TRIO: variants seen among roughly 807,000 people sequenced by gnomAD.
TRIO encodes the protein trio Rho guanine nucleotide exchange factor, also known as triple functional domain protein.
In TRIO, 58 loss-of-function variants were observed where a neutral mutation model predicts 351.9. That is an observed-to-expected ratio of 0.16 (90% CI 0.13 to 0.21). The LOEUF (loss-of-function observed/expected upper bound fraction) is 0.21. Ranked by LOEUF, TRIO falls within the 10% of genes least tolerant of loss-of-function variation. The pLI, the probability that TRIO is intolerant of heterozygous loss-of-function variation, is 1.00. For synonymous variants in TRIO, 1,758 were observed against 1,595.7 expected (o/e 1.10, Z -2.42); for missense variants, 3,201 against 4,027.8 (o/e 0.79, Z 5.56).
intron 18 of TRIO, among the ~76,000 whole-genome samples, chr5:14,373,199 G>A (rs1011971156): frequency 3.9e-5 from 6 of 152,104 alleles, no homozygotes; most frequent in African/African-American, 1.4e-4. Flanking sequence ...ATTACAATTC[G>A]GATTACAATT....
At chr5:14,250,675 G>C (rs1404402352) in intron 1 of TRIO, among the ~76,000 whole-genome samples, 1 of 152,188 alleles carries the variant, frequency 6.6e-6, no homozygotes, top group Non-Finnish European at 1.5e-5. Flanking sequence ...AGGCTGTACT[G>C]TGTTCAGCTG....
intron 40 of TRIO, 101 bp downstream of exon 40, chr5:14,474,198 C>T: frequency 9.0e-7 from 1 of 1,110,170 alleles, no homozygotes; most frequent in Non-Finnish European, 1.3e-6. Context: ...CATCGTATTA[C>T]CTGTGTAGCC....
At chr5:14,361,029 G>T (rs1051257920) in intron 13 of TRIO, among the ~76,000 whole-genome samples, 1 of 152,074 alleles carries the variant, frequency 6.6e-6, no homozygotes, top group Non-Finnish European at 1.5e-5. Context: ...CAGAATAAAC[G>T]GGAGGCCAGC....
intron 45 of TRIO, among the ~76,000 whole-genome samples, chr5:14,482,179 T>C (rs1561540953): frequency 6.6e-6 from 1 of 152,170 alleles, no homozygotes; most frequent in Non-Finnish European, 1.5e-5. Context: ...AGAATTAGCA[T>C]TGAAAGTTCT....
At chr5:14,453,722 C>A (rs1187457576) in intron 34 of TRIO, among the ~76,000 whole-genome samples, 2 of 152,196 alleles carry the variant, frequency 1.3e-5, no homozygotes, top group South Asian at 4.1e-4. Flanking sequence ...GATCATCCAT[C>A]TGGGCCTTGG....
chr5:14,250,692 C>T (rs1166189610), intron 1 of TRIO, among the ~76,000 whole-genome samples: 1 of 152,152 alleles, frequency 6.6e-6, no homozygotes, highest in Non-Finnish European at 1.5e-5. Context: ...GCTGTGTGTA[C>T]ATAGAAGCAC....
At position 14,497,989 on chromosome 5, in the gene TRIO, G is replaced by T. The variant is rs894627891; in HGVS notation, c.8048-100G>T. 6.2e-7 allele frequency: 1 copy of T among 1,609,994 alleles called. No homozygotes were observed. Among genetic ancestry groups the T allele is most frequent in the Non-Finnish European group, 8.5e-7 (1 of 1,176,626 alleles). On this transcript the variant is annotated intron_variant, in intron 51 of 56. Transcript: ENST00000344204. This position sits in a 1 kb window ranked among gnomAD's most constrained non-coding sequence, Gnocchi z 4.4. ...GAGTTTTCCGTGGCGCTCTAGGCGT[G>T]CATAGCAGGTTAGGTCCTATCAATC...
At chr5:14,177,223 A>AC (rs1789461399) in intron 1 of TRIO, among the ~76,000 whole-genome samples, 1 of 152,148 alleles carries the variant, frequency 6.6e-6, no homozygotes, top group African/African-American at 2.4e-5. Context: ...TACGTGAGAA[A>AC]ACTCTTACAA....
At chr5:14,421,431 C>T (rs1024141598) in intron 34 of TRIO, among the ~76,000 whole-genome samples, 10 of 151,420 alleles carry the variant, frequency 6.6e-5, no homozygotes, top group East Asian at 2.0e-4. Flanking sequence ...GGTGAAACCC[C>T]GTCTCTACTA....
rs115874700 is a variant in TRIO at position 14,287,773 on chromosome 5, A to G, written c.540+710A>G. The stretch of plus-strand genomic sequence containing the variant: ...CAGCATGAAACTTGATTCTTGCTCC[A>G]TTTGGAATAAGATTTTAATATTTTC... On this transcript the variant is annotated intron_variant, in intron 4 of 56. Coordinates refer to ENST00000344204, the MANE Select transcript of TRIO (RefSeq NM_007118.4). Among the ~76,000 whole-genome samples the G allele has an allele frequency of 6.4e-3, 971 of 152,332 alleles. 12 individuals are homozygous for G. The highest frequency in any genetic ancestry group is 0.022 in the African/African-American group (929 of 41,562).
rs1026415939 is a variant in TRIO at position 14,507,523 on chromosome 5, C to A, written c.8751+263C>A. 4.3e-4 allele frequency among the ~76,000 whole-genome samples: 65 copies of A among 152,184 alleles called. 1 individual carries two copies. Among genetic ancestry groups the A allele is most frequent in the Admixed American group, 3.3e-4 (5 of 15,278 alleles). ...TTTCAGAAAGTCCCCATGAGTTTTGCCCGGTGGGTGTGGCGGGTGCAGTGG... is the reference window on the plus strand; with the variant it reads ...TTTCAGAAAGTCCCCATGAGTTTTGACCGGTGGGTGTGGCGGGTGCAGTGG... On this transcript the variant is annotated intron_variant, in intron 56 of 56. Coordinates refer to ENST00000344204, the MANE Select transcript of TRIO (RefSeq NM_007118.4).
intron 13 of TRIO, among the ~76,000 whole-genome samples, chr5:14,361,905 G>A (rs1744183446): frequency 6.6e-6 from 1 of 152,186 alleles, no homozygotes; most frequent in South Asian, 2.1e-4. Context: ...ATCACCTGAG[G>A]TCAGGAGTTC....
intron 20 of TRIO, among the ~76,000 whole-genome samples, chr5:14,379,169 G>A (rs10076528): frequency 0.41 from 61,669 of 151,938 alleles, 14,818 homozygotes; most frequent in East Asian, 0.58. Flanking sequence ...TGGTCTGGGT[G>A]CCTTAAAGTC....
At chr5:14,164,138 A>T (rs564228864) in intron 1 of TRIO, among the ~76,000 whole-genome samples, 2 of 152,272 alleles carry the variant, frequency 1.3e-5, no homozygotes, top group Admixed American at 1.3e-4. Flanking sequence ...AGCAATTTTT[A>T]CCTCAGGATG....
chr5:14,390,780 A>G, intron 26 of TRIO, 121 bp from the exon 27 acceptor site: 1 of 747,272 alleles, frequency 1.3e-6, no homozygotes, highest in Non-Finnish European at 2.1e-6. Flanking sequence ...TTTTTAAAAT[A>G]GAGTCTCTTC....
chr5:14,318,060 G>T (rs929014393), intron 9 of TRIO, among the ~76,000 whole-genome samples: 1 of 151,982 alleles, frequency 6.6e-6, no homozygotes, highest in Non-Finnish European at 1.5e-5. Flanking sequence ...CCAGGAGGCG[G>T]AGGTTGCAGT....
In TRIO at chr5:14,509,214, T is replaced by C. The variant is rs1235545999; in HGVS notation, c.*792T>C. On this transcript the variant is annotated 3_prime_UTR_variant, in exon 57 of 57. Transcript: ENST00000344204. Reference sequence around the variant, plus strand: ...GATTGTGGAGCAGTACACAGTCAGATGAAAATACTGTAAATGCACTCATTG... The same window carrying C: ...GATTGTGGAGCAGTACACAGTCAGACGAAAATACTGTAAATGCACTCATTG... The C allele has an allele frequency of 8.9e-6, 3 of 338,772 alleles. No individual in the cohort carries two copies. The highest frequency in any genetic ancestry group is 6.7e-5 in the African/African-American group (3 of 45,056). The allele number at this position is 338,772 out of a possible 1,614,324, so 21.0% of individuals were successfully genotyped here. A position where few individuals can be genotyped will look rare whatever the true frequency, so the allele number is the denominator to read the frequency against.
chr5:14,292,151 G>T (rs555579806), intron 5 of TRIO, among the ~76,000 whole-genome samples: 1 of 152,188 alleles, frequency 6.6e-6, no homozygotes, highest in Non-Finnish European at 1.5e-5. Context: ...AGAATATTTT[G>T]TAAAGTAAAA....
At chr5:14,322,715 T>C (rs965694525) in intron 9 of TRIO, among the ~76,000 whole-genome samples, 8 of 152,232 alleles carry the variant, frequency 5.3e-5, no homozygotes, top group Admixed American at 5.2e-4. Flanking sequence ...AGTTTTCTGA[T>C]TCCAGTCATC....
Sources: gnomAD v4.1 joint callset for allele counts (sites outside exome capture counted in the v4.1 genomes callset) on GRCh38, gnomAD v4.1.1 for gene constraint, Gnocchi (gnomAD v3.1) non-coding constraint, MANE v1.5 for transcripts, NCBI Gene and HGNC (gene_info 2026-07-23, HGNC 2026-07-21) for gene names.